The following LEPROTL1 variants were observed in gnomAD, a reference collection of about 807,000 sequenced individuals.
The protein encoded by LEPROTL1 is leptin receptor overlapping transcript like 1.
LEPROTL1 carries 6 observed loss-of-function variants against 15.4 expected under a neutral mutation model. That is an observed-to-expected ratio of 0.39 (90% CI 0.21 to 0.77). LEPROTL1 has a LOEUF of 0.77. Ranked by LOEUF, LEPROTL1 falls within the 30% of genes least tolerant of loss-of-function variation. The pLI is 0.41. For missense variants in LEPROTL1, 128 were observed against 158.1 expected (o/e 0.81, Z 1.02); for synonymous variants, 56 against 52.6 (o/e 1.06, Z -0.28).
At chr8:30,102,677 C>CTTAGGA (rs1245972640) in intron 2 of LEPROTL1, among the ~76,000 whole-genome samples, 1 of 151,640 alleles carries the variant, frequency 6.6e-6, no homozygotes, top group Non-Finnish European at 1.5e-5. Flanking sequence ...AATTTCTTTC[C>CTTAGGA]TTAGGATAGA....
At chr8:30,126,382 C>T (rs1249912877) in intron 3 of LEPROTL1, among the ~76,000 whole-genome samples, 1 of 152,180 alleles carries the variant, frequency 6.6e-6, no homozygotes, top group Non-Finnish European at 1.5e-5. Flanking sequence ...GGCCCCATCT[C>T]CCAACACTGC....
intron 3 of LEPROTL1, among the ~76,000 whole-genome samples, chr8:30,131,207 C>T (rs1803004551): frequency 6.6e-6 from 1 of 151,082 alleles, no homozygotes; most frequent in Admixed American, 6.6e-5. Flanking sequence ...TCCTTCTCAG[C>T]CTCCAGAGGA....
chr8:30,112,401 A>ATTTTTTTTTTT (rs10684450), downstream of LEPROTL1, among the ~76,000 whole-genome samples: 963 of 27,882 alleles, frequency 0.035, 179 homozygotes, highest in Middle Eastern at 0.14. Flanking sequence ...TGCCCAGCTA[A>ATTTTTTTTTTT]TTTTTTTTTT....
At chr8:30,114,491 A>T (rs1456149557) in intron 3 of LEPROTL1, among the ~76,000 whole-genome samples, 1 of 151,912 alleles carries the variant, frequency 6.6e-6, no homozygotes, top group Non-Finnish European at 1.5e-5. Flanking sequence ...GGGTTTTACC[A>T]TGTTGGCCAG....
At chr8:30,113,582 TGAC>T (rs1802687686) in intron 3 of LEPROTL1, among the ~76,000 whole-genome samples, 1 of 152,140 alleles carries the variant, frequency 6.6e-6, no homozygotes, top group Admixed American at 6.5e-5. Context: ...AGCCGGCAGA[TGAC>T]TACGCATCTC....
chr8:30,131,743 C>T (rs961510458), intron 3 of LEPROTL1: 4 of 550,656 alleles, frequency 7.3e-6, no homozygotes, highest in Admixed American at 3.6e-5. Flanking sequence ...CATCTTTTTC[C>T]TTTTTGTATC....
chr8:30,101,987 T>G lies in LEPROTL1; in HGVS notation c.92+14T>G. On this transcript the variant is annotated intron_variant, in intron 2 of 3. Transcript: ENST00000321250. The stretch of plus-strand genomic sequence containing the variant: ...TCCAATATACAAGTATGTAAAATGT[T>G]TGTCTTTCTGAATATTTAAGGGTAA... The G allele has an allele frequency of 6.4e-7, 1 of 1,551,336 alleles. No individual in the cohort carries two copies. Among genetic ancestry groups the G allele is most frequent in the Non-Finnish European group, 8.8e-7 (1 of 1,135,318 alleles).
chr8:30,119,269 G>T (rs986930629), intron 3 of LEPROTL1, among the ~76,000 whole-genome samples: 4 of 152,210 alleles, frequency 2.6e-5, no homozygotes, highest in Non-Finnish European at 5.9e-5. Flanking sequence ...CAAAGTTACA[G>T]ATTAACAGCA....
In LEPROTL1 at chr8:30,132,053, T is replaced by C. The variant is rs139387795; in HGVS notation, c.280-322T>C. ...AGCAACCAGAGAGAGGAGAGACTCC[T>C]GACCTCCACAGCCAGCATGATGTAG... On this transcript the variant is annotated intron_variant, in intron 3 of 4. Transcript: ENST00000442880. 40 of 1,551,732 alleles carry C rather than the reference T, an allele frequency of 2.6e-5. No individual in the cohort carries two copies. The Middle Eastern group carries it at 8.3e-4, about 32-fold the overall frequency.
downstream of LEPROTL1, among the ~76,000 whole-genome samples, chr8:30,113,261 G>T (rs1021628019): frequency 1.4e-4 from 21 of 152,094 alleles, no homozygotes; most frequent in Middle Eastern, 6.8e-3. Context: ...GCAAAACAGA[G>T]CAAGACTGTC....
chr8:30,106,347 A>T lies in LEPROTL1; in HGVS notation c.*485A>T, dbSNP rs543723835. ...TCAGGATGACATCACTCCCAATGTT[A>T]TGCAGACATACAGACGGTTGGCATA... On this transcript the variant is annotated 3_prime_UTR_variant, in exon 4 of 4. Transcript: ENST00000321250. The T allele has an allele frequency of 3.0e-6, 3 of 986,558 alleles. No homozygotes were observed. Among genetic ancestry groups the T allele is most frequent in the Admixed American group, 6.1e-5 (1 of 16,438 alleles). The allele number at this position is 986,558 out of a possible 1,614,324, so 61.1% of individuals were successfully genotyped here.
At position 30,107,125 on chromosome 8, in the gene LEPROTL1, T is replaced by G; in HGVS notation, c.*1263T>G. 1 of 983,742 alleles carries G rather than the reference T, an allele frequency of 1.0e-6. No homozygotes were observed. Among genetic ancestry groups the G allele is most frequent in the Non-Finnish European group, 1.2e-6 (1 of 828,364 alleles). 60.9% of individuals were successfully genotyped at this position (983,742 alleles called of 1,614,324 possible). A position where few individuals can be genotyped will look rare whatever the true frequency, so the allele number is the denominator to read the frequency against. On this transcript the variant is annotated 3_prime_UTR_variant, in exon 4 of 4. Transcript: ENST00000321250. ...ACAAGTTTCCTGTATACCTCTGAAC[T>G]GTTTTGATTTTGAGTTCATCATGAT...
intron 3 of LEPROTL1, among the ~76,000 whole-genome samples, chr8:30,121,473 C>T (rs1802829487): frequency 6.6e-6 from 1 of 151,934 alleles, no homozygotes; most frequent in African/African-American, 2.4e-5. Flanking sequence ...AGGCTGGTCT[C>T]CAACTCCTGA....
At chr8:30,111,298 C>T (rs1292098856), downstream of LEPROTL1, among the ~76,000 whole-genome samples, 1 of 152,156 alleles carries the variant, frequency 6.6e-6, no homozygotes, top group Non-Finnish European at 1.5e-5. Context: ...CTTCATACTA[C>T]AAATGATGTT....
intron 3 of LEPROTL1, among the ~76,000 whole-genome samples, chr8:30,122,640 A>C (rs1000289430): frequency 6.6e-6 from 1 of 152,108 alleles, no homozygotes; most frequent in Admixed American, 6.5e-5. Flanking sequence ...AAAATACAAA[A>C]AAAATTTAGC....
At chr8:30,101,169 C>T (rs142886275) in intron 1 of LEPROTL1, among the ~76,000 whole-genome samples, 192 of 152,138 alleles carry the variant, frequency 1.3e-3, no homozygotes, top group African/African-American at 3.4e-3. Flanking sequence ...AGAGGTTTTC[C>T]TATAGGATGA....
At chr8:30,108,939 A>AT (rs1447752896), downstream of LEPROTL1, among the ~76,000 whole-genome samples, 1 of 151,668 alleles carries the variant, frequency 6.6e-6, no homozygotes, top group Non-Finnish European at 1.5e-5. Flanking sequence ...TAATTTTCGT[A>AT]TTTTTTGTAG....
rs141181195 is a variant in LEPROTL1, at chr8:30,122,654, G to T, written c.280-9721G>T. On this transcript the variant is annotated intron_variant, in intron 3 of 4. Transcript: ENST00000442880. ...TAAAATACAAAAAAAATTTAGCCAGGTGTGGTGGTGCATGCCTGTAATCCC... is the reference window on the plus strand; with the variant it reads ...TAAAATACAAAAAAAATTTAGCCAGTTGTGGTGGTGCATGCCTGTAATCCC... 3.7e-3 allele frequency among the ~76,000 whole-genome samples: 568 copies of T among 152,144 alleles called. 7 individuals carry two copies. The highest frequency in any genetic ancestry group is 0.013 in the African/African-American group (527 of 41,504).
At chr8:30,096,195 T>C in intron 1 of LEPROTL1, 1 of 761,448 alleles carries the variant, frequency 1.3e-6, no homozygotes, top group Non-Finnish European at 1.4e-6. Context: ...AATTTTTCTT[T>C]TTTTCCTTTT....
Sources: gnomAD v4.1 joint callset for allele counts (sites outside exome capture counted in the v4.1 genomes callset) on GRCh38, gnomAD v4.1.1 for gene constraint, MANE v1.5 for transcripts, NCBI Gene and HGNC (gene_info 2026-07-23, HGNC 2026-07-21) for gene names.